FHIT: variants seen among roughly 807,000 people sequenced by gnomAD.
FHIT encodes the protein fragile histidine triad diadenosine triphosphatase, also known as bis(5'-adenosyl)-triphosphatase.
A neutral mutation model predicts 17.9 loss-of-function variants in FHIT; 19 were observed. The observed-to-expected ratio is 1.06, with a 90% CI of 0.74 to 1.56. The LOEUF (loss-of-function observed/expected upper bound fraction) is 1.56, where lower values mean the gene tolerates loss of function less well. FHIT is among the 40% of genes most tolerant of loss of function. FHIT has a pLI of 0.00. For synonymous variants in FHIT, 81 were observed against 69.7 expected, an observed-to-expected ratio of 1.16 and a Z score of -0.81; for missense variants, 248 against 189.2, an observed-to-expected ratio of 1.31 and a Z score of -1.82.
intron 3 of FHIT, among the ~76,000 whole-genome samples, chr3:60,850,535 CTTTA>C (rs1352733379): frequency 1.3e-5 from 2 of 152,036 alleles, no homozygotes; most frequent in African/African-American, 4.8e-5. Flanking sequence ...TTACTTTCTT[CTTTA>C]TTTGCTTGTT....
intron 5 of FHIT, among the ~76,000 whole-genome samples, chr3:60,210,860 A>G (rs1015360663): frequency 1.3e-5 from 2 of 152,116 alleles, no homozygotes; most frequent in South Asian, 2.1e-4. Context: ...GCAAAATTAC[A>G]TATGTATTTA....
At chr3:60,336,096 A>G (rs527965032) in intron 5 of FHIT, among the ~76,000 whole-genome samples, 4 of 152,202 alleles carry the variant, frequency 2.6e-5, no homozygotes, top group African/African-American at 9.6e-5. Context: ...GCATTCAATC[A>G]TGAAAGAAAA....
chr3:59,959,539 C>T (rs1346023320), intron 7 of FHIT, among the ~76,000 whole-genome samples: 1 of 152,208 alleles, frequency 6.6e-6, no homozygotes, highest in Non-Finnish European at 1.5e-5. Context: ...GATCTCATGA[C>T]AGGAAACTCG....
In FHIT at chr3:60,492,225, G is replaced by A. The variant is rs571946069; in HGVS notation, c.103+44635C>T. On this transcript the variant is annotated intron_variant, in intron 5 of 9. Transcript: ENST00000492590. Reference sequence around the variant, plus strand: ...TATGATGCTTATGTGGAAGGAACAGGCAACATAACTGCAAGACAACAGTAG... The same window carrying A: ...TATGATGCTTATGTGGAAGGAACAGACAACATAACTGCAAGACAACAGTAG... Among the ~76,000 whole-genome samples the A allele has an allele frequency of 6.6e-5, 10 of 152,214 alleles. No homozygotes were observed. In the East Asian group the frequency reaches 1.9e-3, roughly 29 times the overall value.
At chr3:59,999,796 C>T (rs1411315956) in intron 7 of FHIT, among the ~76,000 whole-genome samples, 1 of 151,996 alleles carries the variant, frequency 6.6e-6, no homozygotes, top group African/African-American at 2.4e-5. Flanking sequence ...TTAGTAGAGA[C>T]AGGGTTTCAC....
chr3:61,107,474 T>C (rs2036024580), intron 2 of FHIT, among the ~76,000 whole-genome samples: 1 of 152,174 alleles, frequency 6.6e-6, no homozygotes, highest in Non-Finnish European at 1.5e-5. Context: ...TTTATTTCCT[T>C]TGGATAACTA....
At chr3:60,268,056 T>A (rs949606172) in intron 5 of FHIT, among the ~76,000 whole-genome samples, 3 of 152,178 alleles carry the variant, frequency 2.0e-5, no homozygotes, top group African/African-American at 7.2e-5. Flanking sequence ...ACCTTCAAAT[T>A]TAAATGCAAA....
chr3:60,966,781 A>C (rs557941256), intron 3 of FHIT, among the ~76,000 whole-genome samples: 1 of 152,366 alleles, frequency 6.6e-6, no homozygotes, highest in East Asian at 1.9e-4. Context: ...AACAGAAGAT[A>C]TGGTAAAATG....
chr3:59,809,777 C>A (rs1700342809), intron 8 of FHIT, among the ~76,000 whole-genome samples: 2 of 152,158 alleles, frequency 1.3e-5, no homozygotes, highest in South Asian at 4.1e-4. Context: ...CAGACCTGTG[C>A]CTCTCCTTTG....
At chr3:60,861,196 A>ATCTGT (rs1491404584) in intron 3 of FHIT, among the ~76,000 whole-genome samples, 1 of 1,782 alleles carries the variant, frequency 5.6e-4, no homozygotes, top group African/African-American at 1.6e-3. Context: ...GATATATATC[A>ATCTGT]TATATGATAT....
chr3:60,635,725 T>C (rs1028348087), intron 4 of FHIT, among the ~76,000 whole-genome samples: 1 of 152,118 alleles, frequency 6.6e-6, no homozygotes, highest in Admixed American at 6.5e-5. Flanking sequence ...CGAGTCAGAA[T>C]TGGAACTCTG....
chr3:60,589,070 T>TCAC (rs1337754398), intron 4 of FHIT, among the ~76,000 whole-genome samples: 3 of 151,744 alleles, frequency 2.0e-5, no homozygotes, highest in Admixed American at 1.3e-4. Context: ...CCCGTTGGAG[T>TCAC]CACAGGTGAC....
intron 4 of FHIT, among the ~76,000 whole-genome samples, chr3:60,801,820 A>G (rs1233535479): frequency 6.6e-6 from 1 of 152,218 alleles, no homozygotes; most frequent in Non-Finnish European, 1.5e-5. Flanking sequence ...CTATATACAT[A>G]CTGGTGATGA....
intron 8 of FHIT, among the ~76,000 whole-genome samples, chr3:59,888,005 A>C (rs1703698447): frequency 6.6e-6 from 1 of 152,150 alleles, no homozygotes; most frequent in African/African-American, 2.4e-5. Context: ...TTTTTGATTA[A>C]ATTCAGTCTT....
chr3:60,118,997 G>A (rs1705120817), intron 5 of FHIT, among the ~76,000 whole-genome samples: 1 of 151,184 alleles, frequency 6.6e-6, no homozygotes, highest in African/African-American at 2.4e-5. Context: ...CTCCAGCCTG[G>A]GCAACAGAGG....
chr3:59,785,830 G>A (rs1699256680), intron 8 of FHIT, among the ~76,000 whole-genome samples: 1 of 152,206 alleles, frequency 6.6e-6, no homozygotes, highest in Non-Finnish European at 1.5e-5. Context: ...GCAGGAGTAG[G>A]AGACATTGGA....
intron 8 of FHIT, among the ~76,000 whole-genome samples, chr3:59,867,885 C>A (rs2106883630): frequency 6.6e-6 from 1 of 151,886 alleles, no homozygotes; most frequent in East Asian, 1.9e-4. Flanking sequence ...CTCTAATAAC[C>A]TTGTTATAGT....
chr3:61,153,035 C>T (rs1336677908), intron 2 of FHIT, among the ~76,000 whole-genome samples: 1 of 150,924 alleles, frequency 6.6e-6, no homozygotes, highest in Admixed American at 6.7e-5. Flanking sequence ...CTCAACTACT[C>T]AGGAGGCTGA....
At position 60,065,347 on chromosome 3, in the gene FHIT, A is replaced by G. The variant is rs1255433100; in HGVS notation, c.104-51195T>C. Among the ~76,000 whole-genome samples the G allele has an allele frequency of 1.3e-5, 2 of 152,110 alleles. 1 individual carries two copies. Among genetic ancestry groups the G allele is most frequent in the Admixed American group, 1.3e-4 (2 of 15,272 alleles). On this transcript the variant is annotated intron_variant, in intron 5 of 9. Transcript: ENST00000492590. Reference sequence around the variant, plus strand: ...AACTGTCACCTTAACCATGTCACCGAGAGGCTTAACCTGCACTTACTTCTT... The same window carrying G: ...AACTGTCACCTTAACCATGTCACCGGGAGGCTTAACCTGCACTTACTTCTT...
Sources: allele counts gnomAD v4.1 joint callset (sites outside exome capture counted in the v4.1 genomes callset), GRCh38; gene constraint gnomAD v4.1.1; transcripts MANE v1.5; gene names NCBI Gene and HGNC (gene_info 2026-07-23, HGNC 2026-07-21).